CHM: variants seen among roughly 807,000 people sequenced by gnomAD.
CHM encodes the protein CHM Rab escort protein, also known as rab proteins geranylgeranyltransferase component A 1.
CHM carries 10 observed loss-of-function variants against 49.0 expected under a neutral mutation model. The observed-to-expected ratio is 0.20, with a 90% CI of 0.13 to 0.35. CHM has a LOEUF of 0.35. Among genes scored for constraint, CHM ranks in the 10% least tolerant of loss-of-function variants. The pLI is 1.00. For synonymous variants in CHM, 184 were observed against 167.5 expected (o/e 1.10, Z -0.76); for missense variants, 455 against 478.4 (o/e 0.95, Z 0.46).
At chrX:85,999,435 T>C (rs923105861) in intron 2 of CHM, among the ~76,000 whole-genome samples, 17 of 111,083 alleles carry the variant, frequency 1.5e-4, no homozygotes, top group Non-Finnish European at 3.0e-4. Context: ...AGCATATATA[T>C]GAAGGTAGTA....
chrX:86,033,201 C>T (rs1201644458), intron 1 of CHM, among the ~76,000 whole-genome samples: 1 of 111,302 alleles, frequency 9.0e-6, no homozygotes, highest in African/African-American at 3.3e-5. Flanking sequence ...TTTTTCCTAA[C>T]ACTATGCTTA....
chrX:85,973,842 T>C (rs1301747076), intron 4 of CHM, among the ~76,000 whole-genome samples: 1 of 112,275 alleles, frequency 8.9e-6, no homozygotes, highest in East Asian at 2.8e-4. Context: ...AATTAACCTG[T>C]TGCCATATGG....
chrX:85,879,142 T>C lies in CHM; in HGVS notation c.1511-79A>G, dbSNP rs1238938178. ...TACTTAAGGCATTAAGCTGGTATTA[T>C]GGATAATAGAGAGCTGAGCAAGTCA... On this transcript the variant is annotated intron_variant, in intron 12 of 14. Coordinates refer to ENST00000357749, the MANE Select transcript of CHM (RefSeq NM_000390.4). 14 of 705,516 alleles carry C rather than the reference T, an allele frequency of 2.0e-5. No homozygotes were observed. The South Asian group carries it at 2.8e-4, about 14-fold the overall frequency. The allele number at this position is 705,516 out of a possible 1,213,427, so 58.1% of individuals were successfully genotyped here.
intron 8 of CHM, among the ~76,000 whole-genome samples, chrX:85,941,771 C>T (rs758600225): frequency 2.7e-5 from 3 of 110,822 alleles, no homozygotes; most frequent in Non-Finnish European, 5.7e-5. Context: ...AAAAAAAAAT[C>T]GCTGATTCCT....
chrX:85,873,098 C>G lies in CHM; in HGVS notation c.1724G>C (p.Cys575Ser). The change falls in exon 14 of 15, where the codon TGC becomes TCC. Residue 575 changes from cysteine to serine, a missense_variant. Cys to Ser is a moderately radical substitution (Grantham distance 112, BLOSUM62 -1). Coordinates refer to ENST00000357749, the MANE Select transcript of CHM (RefSeq NM_000390.4). ...TCCTAAACCACAATCTGGGCCAGAG[C>G]AGACATAAACGTTGGATGGTAAATC... ...YNDLPSNVYV[C>S]SGPDCGLGND... The G allele has an allele frequency of 8.3e-7, 1 of 1,207,472 alleles. No individual in the cohort carries two copies. Among genetic ancestry groups the G allele is most frequent in the Non-Finnish European group, 1.1e-6 (1 of 892,499 alleles).
chrX:85,910,009 T>C (rs1335848515), intron 9 of CHM, among the ~76,000 whole-genome samples: 1 of 111,866 alleles, frequency 8.9e-6, no homozygotes, highest in Non-Finnish European at 1.9e-5. Flanking sequence ...AATTTTTCTC[T>C]GCAAACTATC....
At chrX:85,981,041 C>T (rs1223075231) in intron 3 of CHM, among the ~76,000 whole-genome samples, 1 of 107,159 alleles carries the variant, frequency 9.3e-6, no homozygotes, top group African/African-American at 3.4e-5. Flanking sequence ...TCAAAATATA[C>T]TGACTCTAAG....
intron 1 of CHM, among the ~76,000 whole-genome samples, chrX:86,032,594 T>C (rs1303069374): frequency 8.9e-6 from 1 of 112,060 alleles, no homozygotes; most frequent in East Asian, 2.8e-4. Flanking sequence ...ATGTAAACTA[T>C]AGAGGTTCAT....
intron 11 of CHM, among the ~76,000 whole-genome samples, chrX:85,896,839 T>TTATATAATACGTATTATATATAG (rs1925867702): frequency 1.0e-5 from 1 of 100,144 alleles, no homozygotes; most frequent in Non-Finnish European, 2.0e-5. Context: ...ATATAATATA[T>TTATATAATACGTATTATATATAG]TATATAATAC....
intron 2 of CHM, among the ~76,000 whole-genome samples, chrX:85,984,293 G>A (rs908455697): frequency 2.7e-5 from 3 of 111,864 alleles, no homozygotes; most frequent in African/African-American, 9.7e-5. Flanking sequence ...GATATTAAAA[G>A]GTAAAAATGG....
intron 8 of CHM, among the ~76,000 whole-genome samples, chrX:85,944,845 G>A (rs1021498650): frequency 4.5e-5 from 5 of 111,842 alleles, no homozygotes; most frequent in African/African-American, 1.6e-4. Context: ...GTTCACTGCA[G>A]GACTATTTAC....
At chrX:85,913,284 C>A (rs1927171445) in intron 8 of CHM, among the ~76,000 whole-genome samples, 1 of 79,009 alleles carries the variant, frequency 1.3e-5, no homozygotes, top group Non-Finnish European at 2.4e-5. Flanking sequence ...CCAGTGCACT[C>A]CAGCCTGGGC....
intron 8 of CHM, among the ~76,000 whole-genome samples, chrX:85,930,837 T>C (rs1928385222): frequency 8.9e-6 from 1 of 112,210 alleles, no homozygotes; most frequent in African/African-American, 3.2e-5. Flanking sequence ...AGGATCAGAA[T>C]TTCTTCCTTT....
At chrX:85,947,499 G>C (rs1929480297) in intron 8 of CHM, among the ~76,000 whole-genome samples, 1 of 111,358 alleles carries the variant, frequency 9.0e-6, no homozygotes, top group Non-Finnish European at 1.9e-5. Flanking sequence ...ATGATTGTAA[G>C]CTTCTTGAGG....
intron 12 of CHM, among the ~76,000 whole-genome samples, chrX:85,886,224 C>A (rs991162426): frequency 7.2e-5 from 8 of 111,447 alleles, no homozygotes; most frequent in Non-Finnish European, 1.5e-4. Flanking sequence ...TCCTTCCCCC[C>A]AAAAGTGGGA....
chrX:85,949,978 A>AATATAT (rs200318878), intron 8 of CHM, among the ~76,000 whole-genome samples: 595 of 42,754 alleles, frequency 0.014, 31 homozygotes, highest in African/African-American at 0.018. Flanking sequence ...ACTGAAATTA[A>AATATAT]ATATATATAT....
At chrX:85,871,691 G>T (rs1924084773) in intron 14 of CHM, among the ~76,000 whole-genome samples, 1 of 111,415 alleles carries the variant, frequency 9.0e-6, no homozygotes, top group Admixed American at 9.6e-5. Flanking sequence ...ATATTCTTGA[G>T]AAGCAAATTA....
chrX:85,921,142 T>G (rs901794884), intron 8 of CHM, among the ~76,000 whole-genome samples: 1 of 112,055 alleles, frequency 8.9e-6, no homozygotes, highest in Non-Finnish European at 1.9e-5. Context: ...AGCTAGAAAT[T>G]TTTAAATAAA....
At chrX:86,026,291 G>C (rs1194951598) in intron 2 of CHM, among the ~76,000 whole-genome samples, 3 of 105,735 alleles carry the variant, frequency 2.8e-5, no homozygotes, top group African/African-American at 1.0e-4. Context: ...GCCCAGCTAA[G>C]TTTTGTATTT....
Sources: allele counts gnomAD v4.1 joint callset (sites outside exome capture counted in the v4.1 genomes callset), GRCh38; gene constraint gnomAD v4.1.1; transcripts MANE v1.5; gene names NCBI Gene and HGNC (gene_info 2026-07-23, HGNC 2026-07-21).